DHX36: variants seen among roughly 807,000 people sequenced by gnomAD.
DHX36 encodes the protein DEAH-box helicase 36.
A neutral mutation model predicts 139.0 loss-of-function variants in DHX36; 50 were observed. The ratio of observed to expected loss-of-function variants is 0.36; its 90% CI spans 0.29 to 0.46. The LOEUF is 0.46. Among genes scored for constraint, DHX36 ranks in the 20% least tolerant of loss-of-function variants. DHX36 has a pLI of 1.00. For missense variants in DHX36, 1,024 were observed against 1,211.3 expected (o/e 0.85, Z 2.29); for synonymous variants, 425 against 401.9 (o/e 1.06, Z -0.69).
chr3:154,324,435 C>A lies in DHX36; in HGVS notation c.-19G>T. The A allele has an allele frequency of 6.1e-6, 9 of 1,465,234 alleles. No individual in the cohort carries two copies. The highest frequency in any genetic ancestry group is 8.1e-6 in the Non-Finnish European group (9 of 1,110,970). 90.8% of individuals were successfully genotyped at this position (1,465,234 alleles called of 1,614,324 possible). ...AACTCATTGTCCTGGCAGACTACAA[C>A]CCGTCAGAACCAGCAACCGCTGGAA... is the stretch of plus-strand genomic sequence containing the variant. On this transcript the variant is annotated 5_prime_UTR_variant, in exon 1 of 25. Transcript: ENST00000496811.
Position 154,284,802 on chromosome 3 carries a change from C to A in DHX36, c.2205+12G>T. 6.2e-7 allele frequency: 1 copy of A among 1,611,634 alleles called. No homozygotes were observed. The highest frequency in any genetic ancestry group is 8.5e-7 in the Non-Finnish European group (1 of 1,178,814). ...ATCTAAAATAACTCGGTTTTATTTC[C>A]ATTTTTCTTACCAGTGGAATGACAA... On this transcript the variant is annotated intron_variant, in intron 18 of 24. Transcript: ENST00000496811.
chr3:154,299,682 A>G (rs1027523728), intron 12 of DHX36, 156 bp downstream of exon 12: 1 of 669,922 alleles, frequency 1.5e-6, no homozygotes, highest in Non-Finnish European at 2.7e-6. Context: ...TGTGAAAAAG[A>G]AAGAAAATAT....
intron 4 of DHX36, among the ~76,000 whole-genome samples, chr3:154,310,374 A>G (rs569433844): frequency 6.6e-6 from 1 of 152,292 alleles, no homozygotes; most frequent in East Asian, 1.9e-4. Context: ...GTATACATTA[A>G]TATTTTTAAT....
At chr3:154,280,509 G>T in intron 22 of DHX36, 70 bp downstream of exon 22, 1 of 1,091,088 alleles carries the variant, frequency 9.2e-7, no homozygotes, top group Non-Finnish European at 1.4e-6. Context: ...TATAAGCCTT[G>T]TTACATGAGC....
chr3:154,298,071 A>C (rs1330089617), intron 12 of DHX36, among the ~76,000 whole-genome samples: 1 of 152,206 alleles, frequency 6.6e-6, no homozygotes, highest in Admixed American at 6.5e-5. Context: ...CAAGTTCTGG[A>C]AAGATTTCCT....
intron 4 of DHX36, 56 bp from the exon 5 acceptor site, chr3:154,309,879 T>C (rs1712665347): frequency 1.5e-6 from 2 of 1,344,792 alleles, no homozygotes; most frequent in Non-Finnish European, 2.0e-6. Flanking sequence ...TGAAAAAAGA[T>C]ATTAATCAAA....
Position 154,304,896 on chromosome 3 carries a change from C to G in DHX36, c.1045G>C (p.Val349Leu), listed in dbSNP as rs780544054. ...RNLQSDVLMT[V>L]VKDLLNFRSD... Reference sequence around the variant, plus strand: ...CGAAAATTGAGAAGGTCTTTAACAACAGTCATTAAAACATCTGACTGCAGA... The same window carrying G: ...CGAAAATTGAGAAGGTCTTTAACAAGAGTCATTAAAACATCTGACTGCAGA... Residue 349 changes from valine (V) to leucine (L), a missense_variant, in exon 8 of 25, where the codon GTT becomes CTT. By Grantham distance (32) the Val-to-Leu change is conservative. Around this residue, in one of 4 missense-constraint regions of DHX36, gnomAD observed 146 missense variants for 215.0 expected, o/e 0.68. Coordinates refer to ENST00000496811, the MANE Select transcript of DHX36 (RefSeq NM_020865.3). 1.2e-6 allele frequency: 2 copies of G among 1,612,810 alleles called. No individual in the cohort carries two copies. The highest frequency in any genetic ancestry group is 3.3e-4 in the Middle Eastern group (2 of 6,048).
intron 19 of DHX36, among the ~76,000 whole-genome samples, chr3:154,283,643 T>C (rs1719408027): frequency 7.2e-6 from 1 of 138,034 alleles, no homozygotes; most frequent in African/African-American, 2.5e-5. Context: ...TATAGTTTGC[T>C]TTTTTTTTTA....
intron 15 of DHX36, among the ~76,000 whole-genome samples, chr3:154,291,970 T>G (rs1423027186): frequency 6.6e-6 from 1 of 152,244 alleles, no homozygotes; most frequent in Non-Finnish European, 1.5e-5. Context: ...AGTACTTTCC[T>G]TGTGCTTTCA....
At chr3:154,313,072 C>G (rs545493121) in intron 3 of DHX36, among the ~76,000 whole-genome samples, 91 of 150,926 alleles carry the variant, frequency 6.0e-4, no homozygotes, top group African/African-American at 2.1e-3. Context: ...CTTGTAATAA[C>G]TTACTTATCT....
chr3:154,308,010 G>A (rs1305158305), intron 5 of DHX36, among the ~76,000 whole-genome samples: 1 of 152,124 alleles, frequency 6.6e-6, no homozygotes. Flanking sequence ...ATAAGTGGGT[G>A]CTAAAAACCA....
rs1272029147 is a variant in DHX36 at position 154,273,447 on chromosome 3, C to G, written c.*2724G>C. The G allele has an allele frequency of 6.6e-6, 1 of 152,160 alleles. No individual in the cohort carries two copies. The highest frequency in any genetic ancestry group is 1.5e-5 in the Non-Finnish European group (1 of 68,020). The allele number at this position is 152,160 out of a possible 1,614,324, so 9.4% of individuals were successfully genotyped here. ...ACTAATAATCTTTTTTACAGAATCT[C>G]TAAATCCTTTCTTCCAAGACCATTT... is the stretch of plus-strand genomic sequence containing the variant. On this transcript the variant is annotated 3_prime_UTR_variant, in exon 25 of 25. Coordinates refer to ENST00000496811, the MANE Select transcript of DHX36 (RefSeq NM_020865.3).
chr3:154,323,914 C>T (rs1243092838), intron 1 of DHX36, among the ~76,000 whole-genome samples: 1 of 152,206 alleles, frequency 6.6e-6, no homozygotes, highest in Non-Finnish European at 1.5e-5. Flanking sequence ...TTAACATTTG[C>T]TTTGTCACAG....
chr3:154,315,985 A>G (rs1184805608), intron 2 of DHX36, 54 bp downstream of exon 2: 1 of 1,535,400 alleles, frequency 6.5e-7, no homozygotes, highest in Non-Finnish European at 8.8e-7. Flanking sequence ...TGTTATTTTT[A>G]TTATTAAAGT....
intron 12 of DHX36, 74 bp from the exon 13 acceptor site, chr3:154,295,413 G>T: frequency 1.5e-6 from 1 of 658,390 alleles, no homozygotes; most frequent in Non-Finnish European, 2.5e-6. Flanking sequence ...ATGAGACAAT[G>T]AATTCAGAAG....
chr3:154,314,316 G>A (rs1477961946), intron 3 of DHX36, among the ~76,000 whole-genome samples: 1 of 152,154 alleles, frequency 6.6e-6, no homozygotes, highest in East Asian at 1.9e-4. Flanking sequence ...TTCCTATTAA[G>A]GAAATTCAGC....
intron 4 of DHX36, among the ~76,000 whole-genome samples, chr3:154,310,980 T>C (rs1712740545): frequency 1.3e-5 from 2 of 150,232 alleles, no homozygotes; most frequent in Non-Finnish European, 3.0e-5. Context: ...AAGTGAAATG[T>C]GATTCATCCA....
chr3:154,301,181 C>T, intron 9 of DHX36, 54 bp from the exon 10 acceptor site: 1 of 1,490,108 alleles, frequency 6.7e-7, no homozygotes, highest in Non-Finnish European at 9.0e-7. Context: ...CTAGTTTTAG[C>T]TAAAATCTGT....
chr3:154,278,493 T>C (rs1225827832), intron 22 of DHX36: 2 of 151,808 alleles, frequency 1.3e-5, no homozygotes, highest in East Asian at 3.8e-4. Flanking sequence ...TTTTTTTTTT[T>C]TGAGACGGAG....
Sources: gnomAD v4.1 joint callset for allele counts (sites outside exome capture counted in the v4.1 genomes callset) on GRCh38, gnomAD v4.1.1 for gene constraint, gnomAD v4.1.1 regional missense constraint, MANE v1.5 for transcripts, NCBI Gene and HGNC (gene_info 2026-07-23, HGNC 2026-07-21) for gene names.